RCHY1: variants seen among roughly 807,000 people sequenced by gnomAD.
RCHY1 encodes ring finger and CHY zinc finger domain containing 1.
Under a neutral mutation model 41.6 loss-of-function variants are expected in RCHY1, and 21 were observed. The observed-to-expected ratio is 0.51, with a 90% CI of 0.36 to 0.73. The LOEUF (loss-of-function observed/expected upper bound fraction) is 0.73, where lower values mean the gene tolerates loss of function less well. Among genes scored for constraint, RCHY1 ranks in the 30% least tolerant of loss-of-function variants. The probability of loss-of-function intolerance (pLI) is 0.00; values close to 1 mark genes in which losing one functional copy is unlikely to be tolerated. For synonymous variants in RCHY1, 79 were observed against 102.9 expected, an observed-to-expected ratio of 0.77 and a Z score of 1.41; for missense variants, 265 against 325.3, an observed-to-expected ratio of 0.81 and a Z score of 1.43.
Position 75,510,497 on chromosome 4 carries a change from G to T in RCHY1, c.91-1201C>A, listed in dbSNP as rs1036453574. Among the ~76,000 whole-genome samples the T allele has an allele frequency of 5.3e-5, 8 of 152,038 alleles. 1 individual carries two copies. Among genetic ancestry groups the T allele is most frequent in the African/African-American group, 1.9e-4 (8 of 41,394 alleles). The stretch of plus-strand genomic sequence containing the variant: ...TTCCTATGCCTTGACTTACCATAAC[G>T]TAGTTCATTCCTTAAAGATTTTAAC... On this transcript the variant is annotated intron_variant, in intron 1 of 8. Transcript: ENST00000324439.
At chr4:75,505,861 T>A (rs1724249681) in intron 3 of RCHY1, among the ~76,000 whole-genome samples, 1 of 152,172 alleles carries the variant, frequency 6.6e-6, no homozygotes, top group African/African-American at 2.4e-5. Flanking sequence ...TAGTCTCTAC[T>A]TCTTTCTTCC....
intron 8 of RCHY1, 40 bp downstream of exon 8, chr4:75,490,541 A>G: frequency 6.4e-7 from 1 of 1,571,406 alleles, no homozygotes; most frequent in Non-Finnish European, 8.6e-7. Flanking sequence ...AAGAGTGCCA[A>G]CAAGGAGTCT....
At chr4:75,506,467 G>A (rs1724318674) in intron 3 of RCHY1, among the ~76,000 whole-genome samples, 1 of 151,956 alleles carries the variant, frequency 6.6e-6, no homozygotes, top group South Asian at 2.1e-4. Flanking sequence ...AATTTCACCT[G>A]ACAACTAGAA....
chr4:75,503,310 A>T (rs1723968311), intron 3 of RCHY1, among the ~76,000 whole-genome samples: 1 of 152,188 alleles, frequency 6.6e-6, no homozygotes, highest in Non-Finnish European at 1.5e-5. Context: ...TCAATCCTAT[A>T]AGCAATAAAT....
At chr4:75,512,337 TC>T (rs1724972718) in intron 1 of RCHY1, among the ~76,000 whole-genome samples, 1 of 152,208 alleles carries the variant, frequency 6.6e-6, no homozygotes, top group African/African-American at 2.4e-5. Flanking sequence ...TAAACATACT[TC>T]CTGCTGACAG....
At chr4:75,500,570 A>G (rs1404995948) in intron 3 of RCHY1, among the ~76,000 whole-genome samples, 1 of 152,220 alleles carries the variant, frequency 6.6e-6, no homozygotes, top group Non-Finnish European at 1.5e-5. Flanking sequence ...ATACACTATT[A>G]AACTCTGTAC....
At chr4:75,501,806 C>T (rs1025745217) in intron 3 of RCHY1, among the ~76,000 whole-genome samples, 5 of 152,188 alleles carry the variant, frequency 3.3e-5, no homozygotes, top group African/African-American at 4.8e-5. Context: ...AGGCTCAGTG[C>T]GGTGGCTCAC....
upstream of RCHY1, chr4:75,514,442 G>A (rs1725349264): frequency 2.4e-6 from 2 of 819,060 alleles, no homozygotes; most frequent in Non-Finnish European, 3.6e-6. Context: ...CGGATTTCCG[G>A]TTCCCGGGGC....
chr4:75,504,534 A>G (rs1168909202), intron 3 of RCHY1, among the ~76,000 whole-genome samples: 2 of 152,226 alleles, frequency 1.3e-5, no homozygotes, highest in Non-Finnish European at 2.9e-5. Context: ...CATACAAAAT[A>G]TGTATTAATT....
chr4:75,490,859 A>G (rs1331946441), intron 7 of RCHY1, 158 bp from the exon 8 acceptor site: 3 of 532,508 alleles, frequency 5.6e-6, no homozygotes, highest in Middle Eastern at 4.8e-4. Context: ...CTTTCACACT[A>G]TAAAACTTTT....
At chr4:75,488,943 C>T (rs1206817080) in intron 8 of RCHY1, among the ~76,000 whole-genome samples, 5 of 151,872 alleles carry the variant, frequency 3.3e-5, no homozygotes, top group African/African-American at 7.3e-5. Context: ...GGTGTGGTGG[C>T]GGGCACCTGT....
intron 3 of RCHY1, among the ~76,000 whole-genome samples, chr4:75,507,074 C>T (rs534006177): frequency 6.6e-6 from 1 of 151,954 alleles, no homozygotes; most frequent in South Asian, 2.1e-4. Flanking sequence ...AGACATTTTT[C>T]AGAGACAAAA....
chr4:75,508,970 C>G lies in RCHY1; in HGVS notation c.211-35G>C, dbSNP rs779210341. Reference sequence around the variant, plus strand: ...AAACATAATTAAAAACTGCAATAAACTAAACATTTTGAGTTACCATTTGAA... The same window carrying G: ...AAACATAATTAAAAACTGCAATAAAGTAAACATTTTGAGTTACCATTTGAA... On this transcript the variant is annotated intron_variant, in intron 2 of 8. Transcript: ENST00000324439. 2.1e-6 allele frequency: 3 copies of G among 1,433,612 alleles called. No homozygotes were observed. In the South Asian group the frequency reaches 3.7e-5, roughly 18 times the overall value. The allele number at this position is 1,433,612 out of a possible 1,614,324, so 88.8% of individuals were successfully genotyped here. A position where few individuals can be genotyped will look rare whatever the true frequency, so the allele number is the denominator to read the frequency against.
At position 75,482,460 on chromosome 4, in the gene RCHY1, A is replaced by C. The variant is rs948179352; in HGVS notation, c.*78T>G. The C allele has an allele frequency of 3.7e-6, 5 of 1,361,602 alleles. No homozygotes were observed. Among genetic ancestry groups the C allele is most frequent in the East Asian group, 2.4e-5 (1 of 41,116 alleles). The allele number at this position is 1,361,602 out of a possible 1,614,324, so 84.3% of individuals were successfully genotyped here. On this transcript the variant is annotated 3_prime_UTR_variant, in exon 9 of 9. Coordinates refer to ENST00000324439, the MANE Select transcript of RCHY1 (RefSeq NM_015436.4). ...CATCAACTCTAATGCATAGATGACG[A>C]CACATGATAACACGATACCAAGGAA...
intron 8 of RCHY1, among the ~76,000 whole-genome samples, chr4:75,483,394 A>T (rs1202541043): frequency 1.3e-5 from 2 of 152,222 alleles, no homozygotes; most frequent in East Asian, 3.8e-4. Flanking sequence ...TATTTAAAAA[A>T]TATGATCTAA....
At chr4:75,510,988 T>C (rs1032731867) in intron 1 of RCHY1, among the ~76,000 whole-genome samples, 1 of 152,210 alleles carries the variant, frequency 6.6e-6, no homozygotes, top group Non-Finnish European at 1.5e-5. Flanking sequence ...ATTATGGATA[T>C]CATTCTCTGA....
At position 75,491,733 on chromosome 4, in the gene RCHY1, A is replaced by C. The variant is rs1285988544; in HGVS notation, c.500T>G (p.Leu167Arg). The C allele has an allele frequency of 6.2e-7, 1 of 1,612,720 alleles. No homozygotes were observed. Among genetic ancestry groups the C allele is most frequent in the Non-Finnish European group, 8.5e-7 (1 of 1,179,088 alleles). Residue 167 changes from leucine (L) to arginine (R), a missense_variant, in exon 6 of 9, where the codon CTT becomes CGT. By Grantham distance (102) the Leu-to-Arg change is moderately radical. Transcript: ENST00000324439. ...AAAGATGTTACTTTACCTATGTAAA[A>C]GATGTCCACATGGCAAGACATGAGC... ...VVAHVLPCGH[L>R]LHRTCYEEML...
At chr4:75,487,553 TA>T (rs1286724257) in intron 8 of RCHY1, among the ~76,000 whole-genome samples, 41 of 96,002 alleles carry the variant, frequency 4.3e-4, no homozygotes, top group South Asian at 1.7e-3. Flanking sequence ...TATATATTCA[TA>T]ATATATTCAT....
rs369060868 is a variant in RCHY1 at position 75,514,290 on chromosome 4, C to T, written c.-4G>A. The T allele has an allele frequency of 3.2e-5, 51 of 1,610,862 alleles. No individual in the cohort carries two copies. The highest frequency in any genetic ancestry group is 4.0e-5 in the African/African-American group (3 of 74,888). The stretch of plus-strand genomic sequence containing the variant: ...CTTCCCGGGCCGTCGCCGCCATCTC[C>T]TCCACCTCCCCTCACATTCCACCGA... On this transcript the variant is annotated 5_prime_UTR_variant, in exon 1 of 9. Coordinates refer to ENST00000324439, the MANE Select transcript of RCHY1 (RefSeq NM_015436.4).
Sources: gnomAD v4.1 joint callset for allele counts (sites outside exome capture counted in the v4.1 genomes callset) on GRCh38, gnomAD v4.1.1 for gene constraint, MANE v1.5 for transcripts, NCBI Gene and HGNC (gene_info 2026-07-23, HGNC 2026-07-21) for gene names.